Variants in DPYSL4 observed in about 807,000 individuals in gnomAD.
DPYSL4 encodes the protein dihydropyrimidinase like 4.
DPYSL4 carries 43 observed loss-of-function variants against 63.4 expected under a neutral mutation model. The ratio of observed to expected loss-of-function variants is 0.68; its 90% CI spans 0.53 to 0.88. The LOEUF is 0.88. Ranked by LOEUF, DPYSL4 falls within the 40% of genes least tolerant of loss-of-function variation. The probability of loss-of-function intolerance (pLI) is 0.00; values close to 1 mark genes in which losing one functional copy is unlikely to be tolerated. For synonymous variants in DPYSL4, 353 were observed against 331.7 expected, an observed-to-expected ratio of 1.06 and a Z score of -0.70; for missense variants, 733 against 819.5, an observed-to-expected ratio of 0.89 and a Z score of 1.29.
In DPYSL4 at chr10:132,205,067, C is replaced by G; in HGVS notation, c.*137C>G. The G allele has an allele frequency of 1.6e-6, 1 of 613,926 alleles. No homozygotes were observed. Among genetic ancestry groups the G allele is most frequent in the Non-Finnish European group, 2.7e-6 (1 of 376,278 alleles). The allele number at this position is 613,926 out of a possible 1,614,324, so 38.0% of individuals were successfully genotyped here. ...CTTGGCGGTCTTGCCTTCCCCCTCC[C>G]CACAGGCTCTCCTTGTGGGGTCCCA... On this transcript the variant is annotated 3_prime_UTR_variant, in exon 14 of 14. Transcript: ENST00000338492.
intron 11 of DPYSL4, 152 bp from the exon 12 acceptor site, chr10:132,202,494 A>G: frequency 9.7e-7 from 1 of 1,033,108 alleles, no homozygotes; most frequent in Non-Finnish European, 1.4e-6. Context: ...CCCGAGTTCC[A>G]ACCCCTCAGT....
Position 132,192,794 on chromosome 10 carries a change from TTC to T in DPYSL4, c.267_268del (p.Phe89LeufsTer57), listed in dbSNP as rs754119649. On this transcript the variant is annotated frameshift_variant, in exon 3 of 14. Coordinates refer to ENST00000338492, the MANE Select transcript of DPYSL4 (RefSeq NM_006426.3). LOFTEE classifies it high-confidence loss of function. ...CCTGGGCATGACACCGGCTGACGAC[TTC>T]TGTCAGGGCACCAAGGCAGCGCTAG... ...PVLGMTPADD[F>X]CQGTKAALAG... 14 of 1,612,838 alleles carry T rather than the reference TTC, an allele frequency of 8.7e-6. No homozygotes were observed. The highest frequency in any genetic ancestry group is 1.0e-5 in the Non-Finnish European group (12 of 1,179,896).
In DPYSL4 at chr10:132,203,416, T is replaced by C. The variant is rs112065468; in HGVS notation, c.1462-346T>C. The C allele has an allele frequency of 2.8e-3, 871 of 310,540 alleles. 7 individuals carry two copies. Among genetic ancestry groups the C allele is most frequent in the African/African-American group, 0.017 (801 of 47,674 alleles). The allele number at this position is 310,540 out of a possible 1,614,324, so 19.2% of individuals were successfully genotyped here. The stretch of plus-strand genomic sequence containing the variant: ...CACACACGCACAGGGGCACTCGCAG[T>C]GGCGTCTGTGCACACACAAGTGCAC... On this transcript the variant is annotated intron_variant, in intron 12 of 13. Transcript: ENST00000338492.
chr10:132,192,974 T>C, intron 3 of DPYSL4, 132 bp downstream of exon 3: 1 of 915,472 alleles, frequency 1.1e-6, no homozygotes, highest in Non-Finnish European at 1.6e-6. Flanking sequence ...ATTGCATCTG[T>C]CTGAGAACCT....
Position 132,202,741 on chromosome 10 carries a change from G to C in DPYSL4, c.1377G>C (p.Met459Ile). 6.2e-7 allele frequency: 1 copy of C among 1,613,358 alleles called. No homozygotes were observed. Among genetic ancestry groups the C allele is most frequent in the East Asian group, 2.2e-5 (1 of 44,890 alleles). Residue 459 changes from methionine to isoleucine, a missense_variant, in exon 12 of 14, where the codon ATG becomes ATC. Met to Ile is a conservative substitution (Grantham distance 10). Transcript: ENST00000338492. ...GAGTGGCGCTGGAGGACGGGAAGAT[G>C]TTTGTCACCCCGGGGGCGGGCCGCT... ...QGRVALEDGK[M>I]FVTPGAGRFV... is the part of the protein sequence containing the mutation.
Position 132,200,443 on chromosome 10 carries a change from C to G in DPYSL4, c.899C>G (p.Ala300Gly). ...AGCAAGAACTGGGCCAAGGCCGCAG[C>G]CTTCGTCACATCACCCCCTGTCAAC... The part of the protein sequence containing the change: ...YWSKNWAKAA[A>G]FVTSPPVNPD... Residue 300 changes from alanine to glycine, a missense_variant, in exon 9 of 14, where the codon GCC becomes GGC. By Grantham distance (60) the Ala-to-Gly change is moderately conservative (BLOSUM62 0). Coordinates refer to ENST00000338492, the MANE Select transcript of DPYSL4 (RefSeq NM_006426.3). 1 of 1,613,586 alleles carries G rather than the reference C, an allele frequency of 6.2e-7. No individual in the cohort carries two copies. The highest frequency in any genetic ancestry group is 1.1e-5 in the South Asian group (1 of 91,082).
chr10:132,187,000 C>CCGGGGGGGGGG lies in DPYSL4; in HGVS notation c.-64_-63insCGGGGGGGGGG. ...ACGCGTCCCGGCTCACGCGTCCCCCCGCCCGCCCGCCCGCCCGCCCGCCCC... is the reference window on the plus strand; with the variant it reads ...ACGCGTCCCGGCTCACGCGTCCCCCCCGGGGGGGGGGGCCCGCCCGCCCGCCCGCCCGCCCC... On this transcript the variant is annotated 5_prime_UTR_variant, in exon 1 of 14. Coordinates refer to ENST00000338492, the MANE Select transcript of DPYSL4 (RefSeq NM_006426.3). The CCGGGGGGGGGG allele has an allele frequency of 2.7e-4, 3 of 11,122 alleles. No individual in the cohort carries two copies. The highest frequency in any genetic ancestry group is 3.5e-4 in the Non-Finnish European group (2 of 5,642). 0.7% of individuals were successfully genotyped at this position (11,122 alleles called of 1,614,324 possible). A position where few individuals can be genotyped will look rare whatever the true frequency, so the allele number is the denominator to read the frequency against.
Position 132,193,319 on chromosome 10 carries a change from C to A in DPYSL4, c.313+477C>A, listed in dbSNP as rs546282256. 2.6e-5 allele frequency among the ~76,000 whole-genome samples: 4 copies of A among 152,342 alleles called. No homozygotes were observed. In the East Asian group the frequency reaches 7.7e-4, roughly 29 times the overall value. ...AGATAAAAGCAATGCTCATTATTAT[C>A]CCATCAAAAAATAACCCGAGTTGCT... is the stretch of plus-strand genomic sequence containing the variant. On this transcript the variant is annotated intron_variant, in intron 3 of 13. Coordinates refer to ENST00000338492, the MANE Select transcript of DPYSL4 (RefSeq NM_006426.3).
chr10:132,204,426 C>T (rs1342830358), intron 13 of DPYSL4, among the ~76,000 whole-genome samples: 3 of 152,134 alleles, frequency 2.0e-5, no homozygotes, highest in Non-Finnish European at 4.4e-5. Context: ...TTCTCCGGAC[C>T]CAGGAAGGTG....
Position 132,201,035 on chromosome 10 carries a change from G to A in DPYSL4, c.1110+52G>A, listed in dbSNP as rs749720813. Reference sequence around the variant, plus strand: ...CCGTCTGGGGAGCGGCTGTGGGCGGGATTGTGATGGCTGGTCAGAAGGGAG... The same window carrying A: ...CCGTCTGGGGAGCGGCTGTGGGCGGAATTGTGATGGCTGGTCAGAAGGGAG... On this transcript the variant is annotated intron_variant, in intron 10 of 13. Coordinates refer to ENST00000338492, the MANE Select transcript of DPYSL4 (RefSeq NM_006426.3). 4.4e-6 allele frequency: 7 copies of A among 1,596,360 alleles called. No homozygotes were observed. In the African/African-American group the frequency reaches 6.7e-5, roughly 15 times the overall value.
Position 132,187,012 on chromosome 10 carries a change from C to CCTGTG in DPYSL4, c.-52_-51insCTGTG. 4.5e-6 allele frequency: 1 copy of CCTGTG among 222,356 alleles called. No individual in the cohort carries two copies. The highest frequency in any genetic ancestry group is 5.6e-5 in the East Asian group (1 of 17,858). 13.8% of individuals were successfully genotyped at this position (222,356 alleles called of 1,614,324 possible). A position where few individuals can be genotyped will look rare whatever the true frequency, so the allele number is the denominator to read the frequency against. On this transcript the variant is annotated 5_prime_UTR_variant, in exon 1 of 14. Transcript: ENST00000338492. ...TCACGCGTCCCCCCGCCCGCCCGCC[C>CCTGTG]GCCCGCCCGCCCCCGCTTGTGCCGC...
intron 3 of DPYSL4, among the ~76,000 whole-genome samples, chr10:132,194,053 C>T (rs570154169): frequency 2.6e-5 from 4 of 152,370 alleles, no homozygotes; most frequent in Admixed American, 1.3e-4. Context: ...TGTGGGTCCC[C>T]GCGAAGACAG....
Position 132,202,747 on chromosome 10 carries a change from C to T in DPYSL4, c.1383C>T (p.Val461=), listed in dbSNP as rs752362140. The change falls in exon 12 of 14, where the codon GTC becomes GTT. Residue 461 remains valine (V), a synonymous_variant. Coordinates refer to ENST00000338492, the MANE Select transcript of DPYSL4 (RefSeq NM_006426.3). ...RVALEDGKMF[V]TPGAGRFVPR... is the part of the protein sequence containing the mutation. ...CGCTGGAGGACGGGAAGATGTTTGT[C>T]ACCCCGGGGGCGGGCCGCTTCGTCC... 15 of 1,613,118 alleles carry T rather than the reference C, an allele frequency of 9.3e-6. No individual in the cohort carries two copies. The highest frequency in any genetic ancestry group is 1.2e-5 in the Non-Finnish European group (14 of 1,179,952).
intron 6 of DPYSL4, 67 bp from the exon 7 acceptor site, chr10:132,198,347 TG>T: frequency 6.6e-7 from 1 of 1,507,362 alleles, no homozygotes; most frequent in Non-Finnish European, 9.0e-7. Context: ...CTCCCAGCCT[TG>T]GGCTTAGCAT....
chr10:132,192,159 A>G (rs2061887186), intron 2 of DPYSL4: 1 of 244,712 alleles, frequency 4.1e-6, no homozygotes, highest in African/African-American at 2.3e-5. Flanking sequence ...TTCTAAACCC[A>G]TCCTTGGCAG....
Position 132,190,848 on chromosome 10 carries a change from C to T in DPYSL4, c.128+13C>T, listed in dbSNP as rs369982944. 10 of 1,610,186 alleles carry T rather than the reference C, an allele frequency of 6.2e-6. 1 individual carries two copies. Among genetic ancestry groups the T allele is most frequent in the African/African-American group, 5.3e-5 (4 of 74,818 alleles). On this transcript the variant is annotated intron_variant, in intron 2 of 13. Transcript: ENST00000338492. The stretch of plus-strand genomic sequence containing the variant: ...ATGGCTTGATAAAGTAAGTTTCCGC[C>T]GAAAATGAAAATACGTTCCCAGCTC...
intron 8 of DPYSL4, 49 bp from the exon 9 acceptor site, chr10:132,200,307 G>C: frequency 6.2e-7 from 1 of 1,605,010 alleles, no homozygotes; most frequent in Non-Finnish European, 8.5e-7. Flanking sequence ...CGGGGCCCCA[G>C]GGGGTGCAGG....
intron 12 of DPYSL4, among the ~76,000 whole-genome samples, chr10:132,203,210 G>A (rs1425074917): frequency 2.0e-5 from 3 of 152,306 alleles, no homozygotes; most frequent in South Asian, 4.1e-4. Context: ...ATGGACAGAC[G>A]TGCACGCTGA....
rs115765712 is a variant in DPYSL4 at position 132,189,688 on chromosome 10, G to A, written c.40-1059G>A. ...CCTCTCTGGAATCCACTCTCCTCCC[G>A]TCCCTTCCCATAGTCCTGTCCCAGA... is the stretch of plus-strand genomic sequence containing the variant. On this transcript the variant is annotated intron_variant, in intron 1 of 13. Coordinates refer to ENST00000338492, the MANE Select transcript of DPYSL4 (RefSeq NM_006426.3). Among the ~76,000 whole-genome samples the A allele has an allele frequency of 3.4e-3, 510 of 152,042 alleles. 3 individuals are homozygous for A. Among genetic ancestry groups the A allele is most frequent in the African/African-American group, 9.0e-3 (372 of 41,466 alleles).
Sources: gnomAD v4.1 joint callset for allele counts (sites outside exome capture counted in the v4.1 genomes callset) on GRCh38, gnomAD v4.1.1 for gene constraint, MANE v1.5 for transcripts, NCBI Gene and HGNC (gene_info 2026-07-23, HGNC 2026-07-21) for gene names.